LIPH: variants seen among roughly 807,000 people sequenced by gnomAD.
LIPH encodes the protein lipase member H.
Under a neutral mutation model 47.6 loss-of-function variants are expected in LIPH, and 32 were observed. The ratio of observed to expected loss-of-function variants is 0.67; its 90% confidence interval spans 0.51 to 0.90. LIPH has a LOEUF of 0.90. LIPH is among the 40% of genes least tolerant of loss of function. The pLI is 0.00. For synonymous variants in LIPH, 190 were observed against 195.6 expected, an observed-to-expected ratio of 0.97 and a Z score of 0.24; for missense variants, 497 against 541.4, an observed-to-expected ratio of 0.92 and a Z score of 0.81.
chr3:185,531,946 T>G (rs929875067), intron 3 of LIPH, among the ~76,000 whole-genome samples: 1 of 152,110 alleles, frequency 6.6e-6, no homozygotes, highest in African/African-American at 2.4e-5. Context: ...CTCAAGCGAT[T>G]CTTCTGCGTT....
At chr3:185,551,354 CAT>C (rs75380279) in intron 1 of LIPH, among the ~76,000 whole-genome samples, 7,295 of 152,210 alleles carry the variant, frequency 0.048, 284 homozygotes, top group East Asian at 0.24. Context: ...ACTTCATTCA[CAT>C]ATGCATACAT....
intron 4 of LIPH, among the ~76,000 whole-genome samples, chr3:185,526,635 AAT>A (rs199740570): frequency 1.0e-4 from 2 of 19,190 alleles, no homozygotes; most frequent in South Asian, 5.1e-3. Flanking sequence ...TAAAATATAA[AAT>A]AAATAAAATA....
intron 6 of LIPH, among the ~76,000 whole-genome samples, chr3:185,518,753 G>C (rs922987349): frequency 2.7e-5 from 4 of 150,564 alleles, no homozygotes; most frequent in Non-Finnish European, 5.9e-5. Flanking sequence ...ACAGGGTCTT[G>C]CTCTGTGACC....
intron 6 of LIPH, among the ~76,000 whole-genome samples, chr3:185,518,583 A>G (rs1475502711): frequency 1.3e-5 from 2 of 151,964 alleles, no homozygotes; most frequent in East Asian, 1.9e-4. Context: ...CCCAGTCTAC[A>G]TTGCTTTCTA....
chr3:185,533,405 G>A (rs1002030011), intron 3 of LIPH, among the ~76,000 whole-genome samples, 166 bp downstream of exon 3: 4 of 152,098 alleles, frequency 2.6e-5, no homozygotes, highest in African/African-American at 9.7e-5. Flanking sequence ...AATAGCCTGA[G>A]GTCAATATTA....
At position 185,534,829 on chromosome 3, in the gene LIPH, G is replaced by A. The variant is rs1485368113; in HGVS notation, c.353C>T (p.Thr118Ile). The change falls in exon 2 of 10, where the codon ACC (threonine) becomes ATC (isoleucine). Residue 118 changes from threonine to isoleucine, a missense_variant. Thr to Ile is a moderately conservative substitution (Grantham distance 89). Coordinates refer to ENST00000296252, the MANE Select transcript of LIPH (RefSeq NM_139248.3). ...TTTTCTGGTCTTACTAGAGGCATGG[G>A]TATATATTAAAGTTGTAGCTCCTCG... ...WNRGATTLIY[T>I]HASSKTRKVA... 2 of 1,612,918 alleles carry A rather than the reference G, an allele frequency of 1.2e-6. No homozygotes were observed. Among genetic ancestry groups the A allele is most frequent in the African/African-American group, 1.3e-5 (1 of 74,880 alleles).
Position 185,528,972 on chromosome 3 carries a change from G to A in LIPH, c.527-1387C>T, listed in dbSNP as rs1252458932. Among the ~76,000 whole-genome samples the A allele has an allele frequency of 3.4e-5, 5 of 146,264 alleles. 1 individual carries two copies. Among genetic ancestry groups the A allele is most frequent in the Non-Finnish European group, 6.0e-5 (4 of 67,134 alleles). ...AGGACAGGAGATTGAGACCATCCTGGCTAACATGGTGAAACCCCGTATCTA... is the reference window on the plus strand; with the variant it reads ...AGGACAGGAGATTGAGACCATCCTGACTAACATGGTGAAACCCCGTATCTA... On this transcript the variant is annotated intron_variant, in intron 3 of 9. Transcript: ENST00000296252.
chr3:185,536,336 C>T (rs1720501646), intron 1 of LIPH, among the ~76,000 whole-genome samples: 2 of 152,118 alleles, frequency 1.3e-5, no homozygotes, highest in South Asian at 4.2e-4. Flanking sequence ...TACCGATGGC[C>T]ATTCTTGGTG....
Position 185,552,504 on chromosome 3 carries a change from C to A in LIPH, c.-33G>T, listed in dbSNP as rs1198461989. The A allele has an allele frequency of 6.7e-7, 1 of 1,491,730 alleles. No individual in the cohort carries two copies. Among genetic ancestry groups the A allele is most frequent in the South Asian group, 1.1e-5 (1 of 88,488 alleles). 92.4% of individuals were successfully genotyped at this position (1,491,730 alleles called of 1,614,324 possible). ...CTGGAGAGATCGTGTGTCACATTCA[C>A]AAGAATGATTTACTTCGCAGAGGCT... On this transcript the variant is annotated 5_prime_UTR_variant, in exon 1 of 10. Coordinates refer to ENST00000296252, the MANE Select transcript of LIPH (RefSeq NM_139248.3).
In LIPH at chr3:185,552,462, A is replaced by T. The variant is rs778038930; in HGVS notation, c.10T>A (p.Phe4Ile). MLR[F>I]YLFISLLCLS... ...CACAACAAACTGATGAATAAGTAGA[A>T]TCTCAACATATGGAAACTGGAGAGA... Residue 4 changes from phenylalanine (F) to isoleucine (I), a missense_variant, in exon 1 of 10, where the codon TTC (phenylalanine) becomes ATC (isoleucine). By Grantham distance (21) the Phe-to-Ile change is conservative. Coordinates refer to ENST00000296252, the MANE Select transcript of LIPH (RefSeq NM_139248.3). 5.6e-6 allele frequency: 9 copies of T among 1,605,612 alleles called. No homozygotes were observed. The highest frequency in any genetic ancestry group is 1.3e-5 in the African/African-American group (1 of 74,754).
At chr3:185,546,971 A>C (rs1322766449) in intron 1 of LIPH, 3 of 440,030 alleles carry the variant, frequency 6.8e-6, no homozygotes, top group Non-Finnish European at 1.3e-5. Context: ...CCAAAGAGGC[A>C]TCTGTGAAAA....
intron 2 of LIPH, among the ~76,000 whole-genome samples, chr3:185,534,345 A>T (rs1408672083): frequency 6.6e-6 from 1 of 151,508 alleles, no homozygotes; most frequent in African/African-American, 2.4e-5. Context: ...ACAGAACGAG[A>T]TTCCGTCTCA....
intron 1 of LIPH, among the ~76,000 whole-genome samples, chr3:185,546,367 A>AAAAAG (rs1206467171): frequency 2.6e-5 from 4 of 151,286 alleles, no homozygotes; most frequent in Non-Finnish European, 4.4e-5. Context: ...AAAAAAAAAA[A>AAAAAG]AAAAATTCTA....
At chr3:185,517,850 A>G (rs1719779893) in intron 6 of LIPH, among the ~76,000 whole-genome samples, 1 of 152,180 alleles carries the variant, frequency 6.6e-6, no homozygotes, top group South Asian at 2.1e-4. Flanking sequence ...TTTGGAAAAA[A>G]AATAGAAAAT....
chr3:185,515,990 T>A (rs1191786997), intron 7 of LIPH, among the ~76,000 whole-genome samples: 3 of 152,152 alleles, frequency 2.0e-5, no homozygotes, highest in Non-Finnish European at 2.9e-5. Flanking sequence ...AACAGTTAGC[T>A]GGGCATGGTG....
intron 1 of LIPH, among the ~76,000 whole-genome samples, chr3:185,546,029 G>A (rs1364534314): frequency 6.6e-6 from 1 of 151,906 alleles, no homozygotes; most frequent in African/African-American, 2.4e-5. Context: ...AGCTGGGTGT[G>A]GTGGCACATG....
chr3:185,539,383 T>C (rs1194085013), intron 1 of LIPH, among the ~76,000 whole-genome samples: 2 of 151,994 alleles, frequency 1.3e-5, no homozygotes, highest in African/African-American at 2.4e-5. Flanking sequence ...TTTTTTCCTT[T>C]TTTTTTGAGA....
At chr3:185,547,917 T>C (rs1043782756) in intron 1 of LIPH, among the ~76,000 whole-genome samples, 1 of 152,178 alleles carries the variant, frequency 6.6e-6, no homozygotes, top group Non-Finnish European at 1.5e-5. Flanking sequence ...TCTGCATGCT[T>C]GGCAATGGAT....
Position 185,527,572 on chromosome 3 carries a change from T to C in LIPH, c.540A>G (p.Ala180=). Residue 180 remains alanine (A), a synonymous_variant, in exon 4 of 10, where the codon GCA becomes GCG. Coordinates refer to ENST00000296252, the MANE Select transcript of LIPH (RefSeq NM_139248.3). Reference sequence around the variant, plus strand: ...GAGGTTTCCCGTTGAATAAAGGGCCTGCAGGGTCGAGGCCTGGAAGGAAAA... The same window carrying C: ...GAGGTTTCCCGTTGAATAAAGGGCCCGCAGGGTCGAGGCCTGGAAGGAAAA... The part of the protein sequence containing the change: ...WLGRITGLDP[A]GPLFNGKPHQ... 1.2e-6 allele frequency: 2 copies of C among 1,610,350 alleles called. No homozygotes were observed. Among genetic ancestry groups the C allele is most frequent in the Non-Finnish European group, 1.7e-6 (2 of 1,177,876 alleles).
Sources: gnomAD v4.1 joint callset for allele counts (sites outside exome capture counted in the v4.1 genomes callset) on GRCh38, gnomAD v4.1.1 for gene constraint, MANE v1.5 for transcripts, NCBI Gene and HGNC (gene_info 2026-07-23, HGNC 2026-07-21) for gene names.